Variants in MSRB3 observed in about 807,000 individuals in gnomAD.
The protein encoded by MSRB3 is methionine sulfoxide reductase B3, also known as methionine-R-sulfoxide reductase B3.
Under a neutral mutation model 21.0 loss-of-function variants are expected in MSRB3, and 13 were observed. The ratio of observed to expected loss-of-function variants is 0.62; its 90% CI spans 0.40 to 0.98. The LOEUF is 0.98. MSRB3 is among the 50% of genes least tolerant of loss of function. The pLI is 0.00. For missense variants in MSRB3, 199 were observed against 230.3 expected (o/e 0.86, Z 0.88); for synonymous variants, 87 against 88.6 (o/e 0.98, Z 0.10).
chr12:65,398,850 C>G (rs1167138095), intron 5 of MSRB3, among the ~76,000 whole-genome samples: 2 of 152,042 alleles, frequency 1.3e-5, no homozygotes, highest in Non-Finnish European at 2.9e-5. Flanking sequence ...CCAACACCAT[C>G]TATTAAATAG....
At chr12:65,456,016 C>A (rs565764591) in intron 6 of MSRB3, among the ~76,000 whole-genome samples, 1 of 152,130 alleles carries the variant, frequency 6.6e-6, no homozygotes, top group Non-Finnish European at 1.5e-5. Flanking sequence ...GGATTACAGG[C>A]ATGAGCCACC....
chr12:65,396,799 G>C (rs1310594120), intron 5 of MSRB3, among the ~76,000 whole-genome samples: 1 of 151,914 alleles, frequency 6.6e-6, no homozygotes, highest in African/African-American at 2.4e-5. Context: ...GGTCTATCTT[G>C]GTAAATATTT....
At chr12:65,352,667 A>G (rs1877095727) in intron 4 of MSRB3, among the ~76,000 whole-genome samples, 3 of 151,910 alleles carry the variant, frequency 2.0e-5, no homozygotes, top group East Asian at 1.9e-4. Context: ...TTATACACCA[A>G]TAACAGACAA....
At chr12:65,280,289 T>G (rs1037295002) in intron 1 of MSRB3, among the ~76,000 whole-genome samples, 1 of 152,240 alleles carries the variant, frequency 6.6e-6, no homozygotes, top group African/African-American at 2.4e-5. Context: ...ACCCTGTTTT[T>G]TATAGATTCA....
chr12:65,434,222 A>T (rs1419570350), intron 5 of MSRB3, among the ~76,000 whole-genome samples: 1 of 151,658 alleles, frequency 6.6e-6, no homozygotes, highest in Non-Finnish European at 1.5e-5. Context: ...CAAGTTCTTG[A>T]CTCAACCCCC....
In MSRB3 at chr12:65,453,379, G is replaced by A. The variant is rs183682540; in HGVS notation, c.293-349G>A. The stretch of plus-strand genomic sequence containing the variant: ...AAAACATCGTAATGGAAGATTCATA[G>A]TGCTTCAGGGCCATGCTGAGTGACT... On this transcript the variant is annotated intron_variant, in intron 5 of 6. Coordinates refer to ENST00000308259, the MANE Select transcript of MSRB3 (RefSeq NM_001031679.3). Among the ~76,000 whole-genome samples the A allele has an allele frequency of 2.0e-3, 300 of 152,290 alleles. 1 individual carries two copies. The highest frequency in any genetic ancestry group is 6.3e-4 in the Non-Finnish European group (43 of 68,030).
At chr12:65,316,389 C>T (rs1483425440) in intron 2 of MSRB3, 2 of 151,950 alleles carry the variant, frequency 1.3e-5, no homozygotes, top group Admixed American at 6.6e-5. Flanking sequence ...AGGGAGGACG[C>T]CAAAAAGTCT....
At chr12:65,361,889 T>C (rs1344850916) in intron 4 of MSRB3, among the ~76,000 whole-genome samples, 1 of 152,186 alleles carries the variant, frequency 6.6e-6, no homozygotes, top group Non-Finnish European at 1.5e-5. Flanking sequence ...AATTTCTGGG[T>C]TTTAAAATTC....
intron 6 of MSRB3, among the ~76,000 whole-genome samples, chr12:65,461,465 G>T (rs940923736): frequency 2.6e-5 from 4 of 152,092 alleles, no homozygotes; most frequent in Non-Finnish European, 1.5e-5. Flanking sequence ...ATCAGTTCAG[G>T]GTTCATTTTT....
intron 5 of MSRB3, among the ~76,000 whole-genome samples, chr12:65,406,653 A>G (rs992372821): frequency 1.3e-5 from 2 of 152,252 alleles, no homozygotes; most frequent in African/African-American, 4.8e-5. Flanking sequence ...CAAAAGGAAC[A>G]AAGATTGCAG....
At chr12:65,321,754 C>G (rs1874679663) in intron 2 of MSRB3, among the ~76,000 whole-genome samples, 1 of 152,098 alleles carries the variant, frequency 6.6e-6, no homozygotes, top group Admixed American at 6.5e-5. Context: ...AATTCTAACA[C>G]TATACTATGC....
chr12:65,411,661 A>G (rs574559886), intron 5 of MSRB3, among the ~76,000 whole-genome samples: 22 of 151,840 alleles, frequency 1.4e-4, no homozygotes, highest in African/African-American at 5.3e-4. Flanking sequence ...TATTGATGAA[A>G]TAGAAGTAAG....
At chr12:65,444,827 C>G (rs1207307107) in intron 5 of MSRB3, among the ~76,000 whole-genome samples, 2 of 152,136 alleles carry the variant, frequency 1.3e-5, no homozygotes, top group African/African-American at 4.8e-5. Context: ...ATTCCCTTGT[C>G]CTCTTCCTAT....
intron 5 of MSRB3, among the ~76,000 whole-genome samples, chr12:65,424,915 C>A (rs1881498494): frequency 3.1e-5 from 1 of 31,990 alleles, no homozygotes; most frequent in East Asian, 8.4e-4. Context: ...AATATTGAAA[C>A]TCTTTGTTAT....
chr12:65,322,887 T>C (rs1874777648), intron 2 of MSRB3, among the ~76,000 whole-genome samples: 1 of 152,138 alleles, frequency 6.6e-6, no homozygotes, highest in African/African-American at 2.4e-5. Context: ...TGCCTAGACA[T>C]GTGCCTGGCA....
intron 2 of MSRB3, among the ~76,000 whole-genome samples, chr12:65,323,617 C>T (rs150899890): frequency 6.6e-6 from 1 of 152,212 alleles, no homozygotes; most frequent in East Asian, 1.9e-4. Flanking sequence ...TTAAATTACC[C>T]TGTGTAATAA....
At chr12:65,281,820 T>G (rs1872039911) in intron 1 of MSRB3, 1 of 152,234 alleles carries the variant, frequency 6.6e-6, no homozygotes, top group South Asian at 2.1e-4. Context: ...TAATGGGTTA[T>G]CACCTTTTGA....
intron 4 of MSRB3, among the ~76,000 whole-genome samples, chr12:65,333,858 C>T (rs17120555): frequency 0.04 from 6,149 of 152,212 alleles, 407 homozygotes; most frequent in African/African-American, 0.14. Context: ...TTTATAGCCC[C>T]GGCACATAAT....
At chr12:65,341,224 C>T (rs1876118357) in intron 4 of MSRB3, among the ~76,000 whole-genome samples, 1 of 151,992 alleles carries the variant, frequency 6.6e-6, no homozygotes, top group African/African-American at 2.4e-5. Context: ...AGTATTCAGC[C>T]ATAAAAAATG....
Sources: gnomAD v4.1 joint callset for allele counts (sites outside exome capture counted in the v4.1 genomes callset) on GRCh38, gnomAD v4.1.1 for gene constraint, MANE v1.5 for transcripts, NCBI Gene and HGNC (gene_info 2026-07-23, HGNC 2026-07-21) for gene names.